The following KCNT2 variants were observed in gnomAD, a reference collection of about 807,000 sequenced individuals.
KCNT2 encodes the protein potassium sodium-activated channel subfamily T member 2, also known as potassium channel subfamily T member 2.
A neutral mutation model predicts 153.8 loss-of-function variants in KCNT2; 67 were observed. The ratio of observed to expected loss-of-function variants is 0.44; its 90% CI spans 0.36 to 0.53. KCNT2 has a LOEUF of 0.53. KCNT2 is among the 20% of genes least tolerant of loss of function. The pLI, the probability that KCNT2 is intolerant of heterozygous loss-of-function variation, is 0.00. For synonymous variants in KCNT2, 500 were observed against 458.8 expected, an observed-to-expected ratio of 1.09 and a Z score of -1.15; for missense variants, 975 against 1,354.8, an observed-to-expected ratio of 0.72 and a Z score of 4.40.
At chr1:196,272,054 T>G (rs1243837188) in intron 25 of KCNT2, among the ~76,000 whole-genome samples, 3 of 151,948 alleles carry the variant, frequency 2.0e-5, no homozygotes, top group Non-Finnish European at 4.4e-5. Context: ...ATATGTTTTT[T>G]ACTTAATCTT....
At chr1:196,442,832 GA>G (rs2148592468) in intron 8 of KCNT2, among the ~76,000 whole-genome samples, 1 of 151,754 alleles carries the variant, frequency 6.6e-6, no homozygotes, top group East Asian at 2.0e-4. Context: ...AAGACACGTG[GA>G]ATATTTTAAC....
chr1:196,248,377 T>G (rs931733045), intron 26 of KCNT2, among the ~76,000 whole-genome samples: 1 of 151,826 alleles, frequency 6.6e-6, no homozygotes, highest in Non-Finnish European at 1.5e-5. Flanking sequence ...TTTGATAAGA[T>G]AAACAAAATT....
At chr1:196,382,425 A>G (rs939741292) in intron 13 of KCNT2, among the ~76,000 whole-genome samples, 11 of 152,168 alleles carry the variant, frequency 7.2e-5, no homozygotes, top group Middle Eastern at 6.8e-3. Flanking sequence ...CAAATATTTT[A>G]AAGATAATTA....
intron 16 of KCNT2, among the ~76,000 whole-genome samples, chr1:196,339,064 T>G (rs1248403506): frequency 6.9e-6 from 1 of 145,652 alleles, no homozygotes; most frequent in Non-Finnish European, 1.5e-5. Context: ...TCCCACAAAA[T>G]ACTCAAACAG....
intron 1 of KCNT2, among the ~76,000 whole-genome samples, chr1:196,495,910 A>G (rs184914533): frequency 6.6e-6 from 1 of 152,170 alleles, no homozygotes; most frequent in East Asian, 1.9e-4. Flanking sequence ...ACAACATTTT[A>G]TTTGGGTAAA....
At chr1:196,486,705 T>C (rs899811227) in intron 3 of KCNT2, among the ~76,000 whole-genome samples, 6 of 13,846 alleles carry the variant, frequency 4.3e-4, no homozygotes, top group Non-Finnish European at 2.0e-4. Flanking sequence ...CAAAGACTGG[T>C]AGCTCTAAAA....
At chr1:196,396,737 G>T (rs1558239878) in intron 13 of KCNT2, among the ~76,000 whole-genome samples, 1 of 151,504 alleles carries the variant, frequency 6.6e-6, no homozygotes, top group Non-Finnish European at 1.5e-5. Flanking sequence ...GAGATAAATG[G>T]TTGGGATAGA....
chr1:196,569,032 C>T (rs1660463317), intron 1 of KCNT2, among the ~76,000 whole-genome samples: 1 of 152,076 alleles, frequency 6.6e-6, no homozygotes, highest in Admixed American at 6.6e-5. Flanking sequence ...TGAATCATTG[C>T]TATTACAAAT....
At chr1:196,448,873 A>G (rs187402848) in intron 8 of KCNT2, among the ~76,000 whole-genome samples, 148 of 151,860 alleles carry the variant, frequency 9.7e-4, no homozygotes, top group Admixed American at 9.5e-3. Context: ...TGTGAAAAAT[A>G]AAACCTAAGA....
chr1:196,574,935 C>T (rs987656229), intron 1 of KCNT2, among the ~76,000 whole-genome samples: 4 of 151,934 alleles, frequency 2.6e-5, no homozygotes, highest in South Asian at 4.2e-4. Context: ...TAACATGGTG[C>T]CTTCAGTTCA....
intron 1 of KCNT2, among the ~76,000 whole-genome samples, chr1:196,570,562 C>T (rs947553596): frequency 6.6e-6 from 1 of 152,064 alleles, no homozygotes; most frequent in Non-Finnish European, 1.5e-5. Context: ...TCTAATCCTA[C>T]TCAAAGTAGG....
At position 196,594,094 on chromosome 1, in the gene KCNT2, C is replaced by T. The variant is rs187941435; in HGVS notation, c.95+14121G>A. On this transcript the variant is annotated intron_variant, in intron 1 of 27. Transcript: ENST00000294725. ...GAGATGGAGTTGATCATTTACAACA[C>T]CTCCACATGTCCCTTGGACAATGGC... Among the ~76,000 whole-genome samples the T allele has an allele frequency of 1.7e-3, 258 of 152,142 alleles. 2 individuals are homozygous for T. Among genetic ancestry groups the T allele is most frequent in the African/African-American group, 5.8e-3 (241 of 41,530 alleles).
intron 27 of KCNT2, among the ~76,000 whole-genome samples, chr1:196,234,822 C>T (rs1169017893): frequency 6.6e-6 from 1 of 151,396 alleles, no homozygotes. Context: ...CAAACACATC[C>T]TATGGATCTA....
rs1039929430 is a variant in KCNT2 at position 196,227,442 on chromosome 1, G to A, written c.*782C>T. ...GAATTAAATTTAAGTCAACAAATGTGTATTAAGTATTTTCTCTATGCTAGG... is the reference window on the plus strand; with the variant it reads ...GAATTAAATTTAAGTCAACAAATGTATATTAAGTATTTTCTCTATGCTAGG... On this transcript the variant is annotated 3_prime_UTR_variant, in exon 28 of 28. Coordinates refer to ENST00000294725, the MANE Select transcript of KCNT2 (RefSeq NM_198503.5). The A allele has an allele frequency of 1.8e-4, 28 of 152,106 alleles. No individual in the cohort carries two copies. Among genetic ancestry groups the A allele is most frequent in the African/African-American group, 6.5e-4 (27 of 41,558 alleles). 9.4% of individuals were successfully genotyped at this position (152,106 alleles called of 1,614,324 possible).
intron 22 of KCNT2, among the ~76,000 whole-genome samples, chr1:196,291,482 A>G (rs1463063911): frequency 6.6e-6 from 1 of 152,100 alleles, no homozygotes; most frequent in Non-Finnish European, 1.5e-5. Flanking sequence ...CTGGACAATG[A>G]AGAATTTGGA....
At chr1:196,423,972 A>G (rs1484850261) in intron 11 of KCNT2, among the ~76,000 whole-genome samples, 1 of 151,944 alleles carries the variant, frequency 6.6e-6, no homozygotes, top group Admixed American at 6.6e-5. Flanking sequence ...TGAAAAATGT[A>G]TTAGTTTATA....
At chr1:196,585,227 A>G (rs1662528757) in intron 1 of KCNT2, among the ~76,000 whole-genome samples, 1 of 152,106 alleles carries the variant, frequency 6.6e-6, no homozygotes, top group Admixed American at 6.6e-5. Flanking sequence ...AAGAGGCAAA[A>G]GGAAGATCAG....
chr1:196,396,645 T>C (rs562015814), intron 13 of KCNT2, among the ~76,000 whole-genome samples: 14 of 151,704 alleles, frequency 9.2e-5, no homozygotes, highest in African/African-American at 3.4e-4. Context: ...TAAAAAGAGA[T>C]CCTCTGAAAT....
chr1:196,468,601 G>A (rs367884912), intron 6 of KCNT2, among the ~76,000 whole-genome samples: 38 of 151,824 alleles, frequency 2.5e-4, no homozygotes, highest in African/African-American at 8.7e-4. Flanking sequence ...TAAATCTTGT[G>A]GTTAAACCAC....
Sources: gnomAD v4.1 joint callset for allele counts (sites outside exome capture counted in the v4.1 genomes callset) on GRCh38, gnomAD v4.1.1 for gene constraint, MANE v1.5 for transcripts, NCBI Gene and HGNC (gene_info 2026-07-23, HGNC 2026-07-21) for gene names.